The following CDK17 variants were observed in gnomAD, a reference collection of about 807,000 sequenced individuals.
The protein encoded by CDK17 is cyclin dependent kinase 17, also known as cyclin-dependent kinase 17.
A neutral mutation model predicts 77.6 loss-of-function variants in CDK17; 24 were observed. That is an observed-to-expected ratio of 0.31 (90% CI 0.22 to 0.44). The LOEUF is 0.44. CDK17 is among the 20% of genes least tolerant of loss of function. The pLI is 1.00. For synonymous variants in CDK17, 203 were observed against 210.4 expected (o/e 0.96, Z 0.30); for missense variants, 429 against 622.5 (o/e 0.69, Z 3.31).
chr12:96,280,679 A>G, intron 16 of CDK17, 129 bp downstream of exon 16: 1 of 1,459,910 alleles, frequency 6.8e-7, no homozygotes, highest in Non-Finnish European at 9.0e-7. Context: ...TGCTAAACAT[A>G]AACAGTTGTG....
chr12:96,362,646 T>C (rs1953512974), intron 1 of CDK17, among the ~76,000 whole-genome samples: 1 of 152,238 alleles, frequency 6.6e-6, no homozygotes, highest in South Asian at 2.1e-4. Context: ...GTGGGCTATA[T>C]ACAGTCTCTG....
chr12:96,366,450 A>G (rs1953583833), intron 1 of CDK17, among the ~76,000 whole-genome samples: 1 of 152,216 alleles, frequency 6.6e-6, no homozygotes, highest in Admixed American at 6.5e-5. Flanking sequence ...TATCTCATAC[A>G]TTACTATATC....
In CDK17 at chr12:96,308,762, A is replaced by AATAATAATAATAATAATG. The variant is rs1354311946; in HGVS notation, c.543+2289_543+2290insCATTATTATTATTATTAT. The stretch of plus-strand genomic sequence containing the variant: ...TAATAATAATAATAATAATAATAAT[A>AATAATAATAATAATAATG]ATAATGTAAAAAAGGAGATACAACA... On this transcript the variant is annotated intron_variant, in intron 5 of 16. Transcript: ENST00000261211. Among the ~76,000 whole-genome samples the AATAATAATAATAATAATG allele has an allele frequency of 2.6e-4, 38 of 148,992 alleles. 1 individual carries two copies. In the South Asian group the frequency reaches 5.9e-3, roughly 23 times the overall value.
intron 1 of CDK17, among the ~76,000 whole-genome samples, chr12:96,380,282 GGT>G (rs376070912): frequency 0.61 from 70,311 of 115,944 alleles, 17,638 homozygotes; most frequent in East Asian, 0.75. Flanking sequence ...CTTTTTAGCT[GGT>G]TTTTTTTTTT....
At chr12:96,392,443 A>C (rs1168674652) in intron 1 of CDK17, among the ~76,000 whole-genome samples, 2 of 152,244 alleles carry the variant, frequency 1.3e-5, no homozygotes, top group Admixed American at 1.3e-4. Context: ...AAATGGGACA[A>C]AACTGGAGCC....
intron 1 of CDK17, among the ~76,000 whole-genome samples, chr12:96,388,398 C>T (rs1474522202): frequency 1.3e-5 from 2 of 152,168 alleles, no homozygotes; most frequent in East Asian, 1.9e-4. Context: ...TGTGCCACCT[C>T]CACCCCCAAA....
chr12:96,392,723 C>T (rs1347140872), intron 1 of CDK17, among the ~76,000 whole-genome samples: 1 of 151,990 alleles, frequency 6.6e-6, no homozygotes, highest in South Asian at 2.1e-4. Context: ...AAGGCAATAT[C>T]GAGTAGGAAG....
intron 1 of CDK17, among the ~76,000 whole-genome samples, chr12:96,346,486 G>C (rs951405587): frequency 1.3e-5 from 2 of 151,596 alleles, no homozygotes; most frequent in African/African-American, 4.8e-5. Context: ...AAATTAGCCA[G>C]GCGTAGTGGC....
intron 5 of CDK17, among the ~76,000 whole-genome samples, chr12:96,301,448 G>C (rs1358334850): frequency 6.6e-6 from 1 of 151,946 alleles, no homozygotes; most frequent in East Asian, 1.9e-4. Context: ...CAAAATTTAG[G>C]AAAATTTGTT....
intron 2 of CDK17, among the ~76,000 whole-genome samples, chr12:96,324,704 T>C (rs1952870291): frequency 6.6e-6 from 1 of 151,784 alleles, no homozygotes; most frequent in Non-Finnish European, 1.5e-5. Flanking sequence ...GTTGCAGAGG[T>C]TGCAGTGAGC....
chr12:96,299,040 C>T, intron 6 of CDK17, 57 bp from the exon 7 acceptor site: 1 of 793,640 alleles, frequency 1.3e-6, no homozygotes. Flanking sequence ...CTATTTAATA[C>T]CATCTTATAA....
chr12:96,357,297 CA>C (rs999110638), intron 1 of CDK17, among the ~76,000 whole-genome samples: 3 of 151,674 alleles, frequency 2.0e-5, no homozygotes, highest in Admixed American at 6.6e-5. Context: ...CTCAATTCTA[CA>C]AAAAAAATTT....
chr12:96,284,388 G>C (rs552873544), intron 13 of CDK17: 21 of 150,734 alleles, frequency 1.4e-4, no homozygotes, highest in African/African-American at 4.9e-4. Flanking sequence ...GTGAACCCGG[G>C]AGGTGGGGCT....
chr12:96,301,153 A>G (rs1035296663), intron 5 of CDK17, among the ~76,000 whole-genome samples: 3 of 151,280 alleles, frequency 2.0e-5, no homozygotes, highest in South Asian at 2.1e-4. Context: ...ACAACTGAAA[A>G]TCATGCTCTT....
intron 2 of CDK17, among the ~76,000 whole-genome samples, chr12:96,328,399 C>A (rs1316253697): frequency 6.6e-6 from 1 of 152,084 alleles, no homozygotes; most frequent in Non-Finnish European, 1.5e-5. Context: ...ATTCCCCCAA[C>A]CTCAGTCTGT....
At chr12:96,392,604 A>G (rs917778690) in intron 1 of CDK17, among the ~76,000 whole-genome samples, 1 of 152,244 alleles carries the variant, frequency 6.6e-6, no homozygotes. Context: ...AGCGTAAGAA[A>G]GAAGCTGCCA....
intron 1 of CDK17, among the ~76,000 whole-genome samples, chr12:96,376,660 C>T (rs1214056156): frequency 6.6e-6 from 1 of 152,172 alleles, no homozygotes; most frequent in African/African-American, 2.4e-5. Context: ...CTATATTAGG[C>T]AGTATCCACT....
intron 2 of CDK17, among the ~76,000 whole-genome samples, chr12:96,330,689 T>C (rs1461864269): frequency 6.6e-6 from 1 of 152,258 alleles, no homozygotes; most frequent in African/African-American, 2.4e-5. Flanking sequence ...TCTTCATTCA[T>C]TTATGTATTG....
intron 5 of CDK17, among the ~76,000 whole-genome samples, chr12:96,308,927 T>C (rs1001342940): frequency 2.5e-4 from 38 of 152,102 alleles, no homozygotes; most frequent in African/African-American, 9.2e-4. Flanking sequence ...TGCCACATCA[T>C]CCTTAATTTT....
Sources: allele counts gnomAD v4.1 joint callset (sites outside exome capture counted in the v4.1 genomes callset), GRCh38; gene constraint gnomAD v4.1.1; transcripts MANE v1.5; gene names NCBI Gene and HGNC (gene_info 2026-07-23, HGNC 2026-07-21).